The following NCKAP5 variants were observed in gnomAD, a reference collection of about 807,000 sequenced individuals.
The protein encoded by NCKAP5 is nck-associated protein 5.
Under a neutral mutation model 167.0 loss-of-function variants are expected in NCKAP5, and 92 were observed. The observed-to-expected ratio is 0.55, with a 90% CI of 0.47 to 0.66. The LOEUF is 0.66. NCKAP5 is among the 30% of genes least tolerant of loss of function. The probability of loss-of-function intolerance (pLI) is 0.00; values close to 1 mark genes in which losing one functional copy is unlikely to be tolerated. For synonymous variants in NCKAP5, 891 were observed against 877.4 expected (o/e 1.02, Z -0.27); for missense variants, 2,378 against 2,315.0 (o/e 1.03, Z -0.56).
chr2:132,796,236 C>A (rs1301606301), intron 12 of NCKAP5, among the ~76,000 whole-genome samples: 1 of 151,838 alleles, frequency 6.6e-6, no homozygotes, highest in Non-Finnish European at 1.5e-5. Flanking sequence ...CAAAGCTAAC[C>A]CCAGCTAGAG....
At chr2:133,080,702 C>G (rs1359457291) in intron 6 of NCKAP5, among the ~76,000 whole-genome samples, 1 of 152,128 alleles carries the variant, frequency 6.6e-6, no homozygotes, top group Non-Finnish European at 1.5e-5. Flanking sequence ...ATTTATTGAA[C>G]ACTGTGAGGC....
chr2:132,691,882 T>C (rs1397824297), intron 19 of NCKAP5, among the ~76,000 whole-genome samples: 1 of 152,130 alleles, frequency 6.6e-6, no homozygotes, highest in Non-Finnish European at 1.5e-5. Context: ...TTAAATACTA[T>C]TAGTCTGTAA....
intron 3 of NCKAP5, among the ~76,000 whole-genome samples, chr2:133,364,059 TATC>T (rs1005003025): frequency 3.8e-4 from 58 of 151,740 alleles, no homozygotes; most frequent in East Asian, 1.9e-3. Flanking sequence ...TAGGTGTTGG[TATC>T]ATCATCATCA....
rs199750343 is a variant in NCKAP5 at position 133,549,974 on chromosome 2, C to A, written c.-62+9076G>T. Among the ~76,000 whole-genome samples, 334 of 148,170 alleles carry A rather than the reference C, an allele frequency of 2.3e-3. 3 individuals carry two copies. The highest frequency in any genetic ancestry group is 5.3e-3 in the South Asian group (24 of 4,516). On this transcript the variant is annotated intron_variant, in intron 2 of 19. Coordinates refer to ENST00000409261, the MANE Select transcript of NCKAP5 (RefSeq NM_207363.3). Reference sequence around the variant, plus strand: ...TCAGAGAATACTACAAACACCTCTACGCAAATAAACTAGAAAATCTAGAAG... The same window carrying A: ...TCAGAGAATACTACAAACACCTCTAAGCAAATAAACTAGAAAATCTAGAAG...
intron 3 of NCKAP5, among the ~76,000 whole-genome samples, chr2:133,387,747 T>C (rs1687094653): frequency 6.6e-6 from 1 of 152,218 alleles, no homozygotes; most frequent in South Asian, 2.1e-4. Flanking sequence ...CATTTCTTTT[T>C]ATTCTTTTTT....
At chr2:132,860,438 C>T in intron 11 of NCKAP5, 54 bp downstream of exon 11, 1 of 1,541,102 alleles carries the variant, frequency 6.5e-7, no homozygotes, top group African/African-American at 1.4e-5. Flanking sequence ...ACTTAAGTAA[C>T]TTCCTGTCAA....
chr2:133,473,955 A>G (rs1679588125), intron 3 of NCKAP5, among the ~76,000 whole-genome samples: 1 of 152,204 alleles, frequency 6.6e-6, no homozygotes, highest in Non-Finnish European at 1.5e-5. Flanking sequence ...CAGCAAACCC[A>G]CAAATGGGTA....
intron 3 of NCKAP5, among the ~76,000 whole-genome samples, chr2:133,409,266 T>C (rs909467697): frequency 1.8e-4 from 27 of 152,238 alleles, no homozygotes; most frequent in African/African-American, 6.5e-4. Context: ...CCTTACTACC[T>C]GCTGTCCCAG....
At chr2:133,143,813 AT>A (rs34521607) in intron 5 of NCKAP5, among the ~76,000 whole-genome samples, 64 of 148,300 alleles carry the variant, frequency 4.3e-4, no homozygotes, top group South Asian at 1.7e-3. Context: ...TCCCAACCAG[AT>A]TTTTTTTTTT....
intron 3 of NCKAP5, among the ~76,000 whole-genome samples, chr2:133,429,173 T>TAAGG (rs1689998839): frequency 6.6e-6 from 1 of 152,144 alleles, no homozygotes; most frequent in Admixed American, 6.6e-5. Flanking sequence ...TTACAAAGGG[T>TAAGG]AAGGCCATTC....
chr2:132,706,925 C>A (rs138365664), intron 19 of NCKAP5, among the ~76,000 whole-genome samples: 2 of 152,110 alleles, frequency 1.3e-5, no homozygotes, highest in Non-Finnish European at 2.9e-5. Context: ...AGAGTGACTC[C>A]GGCCTAAAAA....
the NCKAP5 span, among the ~76,000 whole-genome samples, chr2:133,624,979 A>C: frequency 6.6e-6 from 1 of 152,236 alleles, no homozygotes; most frequent in East Asian, 1.9e-4. Context: ...GGCGGGTAGC[A>C]TAATGAGAGG....
rs866298006 is a variant in NCKAP5, at chr2:133,071,380, G to A, written c.341+58598C>T. Among the ~76,000 whole-genome samples, 22 of 152,176 alleles carry A rather than the reference G, an allele frequency of 1.4e-4. No individual in the cohort carries two copies. In the Middle Eastern group the frequency reaches 0.01, roughly 71 times the overall value. On this transcript the variant is annotated intron_variant, in intron 6 of 19. Transcript: ENST00000409261. ...GAATGGTGTGAACCCGGGAGGCGGA[G>A]CTTGCAGTGAGCCGAGATCCCGCCA...
intron 11 of NCKAP5, among the ~76,000 whole-genome samples, chr2:132,836,441 G>GT (rs575451121): frequency 4.9e-4 from 72 of 146,196 alleles, no homozygotes; most frequent in East Asian, 8.0e-4. Context: ...TGTTATTGGT[G>GT]TTTTTTTTTT....
chr2:132,970,953 C>T (rs1011748945), intron 7 of NCKAP5, among the ~76,000 whole-genome samples: 3 of 152,194 alleles, frequency 2.0e-5, no homozygotes, highest in Non-Finnish European at 4.4e-5. Flanking sequence ...TTTCCCCATT[C>T]CAGGACACAG....
intron 8 of NCKAP5, among the ~76,000 whole-genome samples, chr2:132,962,486 G>A (rs990626358): frequency 2.6e-5 from 4 of 152,174 alleles, no homozygotes; most frequent in Admixed American, 2.6e-4. Flanking sequence ...TATCACCGAG[G>A]AAATTAGTGT....
intron 7 of NCKAP5, among the ~76,000 whole-genome samples, chr2:132,973,500 A>T (rs150710167): frequency 9.3e-4 from 141 of 152,336 alleles, no homozygotes; most frequent in African/African-American, 3.3e-3. Flanking sequence ...ATGCACAAAC[A>T]TAGACTCACT....
intron 6 of NCKAP5, among the ~76,000 whole-genome samples, chr2:133,020,616 T>A (rs1346129097): frequency 3.3e-5 from 5 of 152,226 alleles, no homozygotes; most frequent in Admixed American, 3.3e-4. Context: ...TCTTTTGTTT[T>A]TAAATTTCAT....
intron 16 of NCKAP5, among the ~76,000 whole-genome samples, chr2:132,750,684 T>G (rs1680035908): frequency 6.6e-6 from 1 of 152,188 alleles, no homozygotes; most frequent in African/African-American, 2.4e-5. Context: ...ATGAACATTT[T>G]GTTTGTGAGC....
Sources: gnomAD v4.1 joint callset for allele counts (sites outside exome capture counted in the v4.1 genomes callset) on GRCh38, gnomAD v4.1.1 for gene constraint, MANE v1.5 for transcripts, NCBI Gene and HGNC (gene_info 2026-07-23, HGNC 2026-07-21) for gene names.